PIK3R1: variants seen among roughly 807,000 people sequenced by gnomAD.
PIK3R1 encodes phosphoinositide-3-kinase regulatory subunit 1.
In PIK3R1, 29 loss-of-function variants were observed where a neutral mutation model predicts 98.0. The observed-to-expected ratio is 0.30, with a 90% CI of 0.22 to 0.40. The LOEUF (loss-of-function observed/expected upper bound fraction) is 0.40, where lower values mean the gene tolerates loss of function less well. PIK3R1 is among the 10% of genes least tolerant of loss of function. PIK3R1 has a pLI of 1.00. For synonymous variants in PIK3R1, 282 were observed against 311.8 expected (o/e 0.90, Z 1.01); for missense variants, 596 against 872.7 (o/e 0.68, Z 3.99).
intron 2 of PIK3R1, among the ~76,000 whole-genome samples, chr5:68,253,083 G>A (rs1315626090): frequency 6.6e-6 from 1 of 151,992 alleles, no homozygotes; most frequent in East Asian, 1.9e-4. Flanking sequence ...TATCTACGTT[G>A]CATTTTTATT....
chr5:68,245,410 A>G (rs1745046697), intron 2 of PIK3R1, among the ~76,000 whole-genome samples: 1 of 152,166 alleles, frequency 6.6e-6, no homozygotes, highest in Non-Finnish European at 1.5e-5. Context: ...TGCTGATGTT[A>G]TAGAATCACC....
chr5:68,242,462 G>A (rs1449242315), intron 2 of PIK3R1, among the ~76,000 whole-genome samples: 2 of 144,246 alleles, frequency 1.4e-5, no homozygotes, highest in Non-Finnish European at 3.1e-5. Context: ...TTGGAAGCAC[G>A]ACTTCCAGTG....
chr5:68,280,583 T>C lies in PIK3R1; in HGVS notation c.690T>C (p.Pro230=). 1 of 1,613,566 alleles carries C rather than the reference T, an allele frequency of 6.2e-7. No homozygotes were observed. The highest frequency in any genetic ancestry group is 1.3e-5 in the African/African-American group (1 of 75,000). ...IQLLKKLIRS[P]SIPHQYWLTL... The stretch of plus-strand genomic sequence containing the variant: ...TATTGAAGAAGCTTATTAGGTCGCC[T>C]AGCATACCTCATCAGTATTGGCTTA... Residue 230 remains proline (P), a synonymous_variant, in exon 6 of 16, where the codon CCT becomes CCC. Coordinates refer to ENST00000521381, the MANE Select transcript of PIK3R1 (RefSeq NM_181523.3).
At chr5:68,254,092 G>A (rs774562143) in intron 2 of PIK3R1, among the ~76,000 whole-genome samples, 2 of 150,416 alleles carry the variant, frequency 1.3e-5, no homozygotes, top group Non-Finnish European at 2.9e-5. Context: ...CTGCACACTC[G>A]AATGTTGTAT....
At chr5:68,223,026 A>G (rs760273300) in intron 1 of PIK3R1, among the ~76,000 whole-genome samples, 9 of 151,112 alleles carry the variant, frequency 6.0e-5, no homozygotes, top group African/African-American at 1.2e-4. Flanking sequence ...ATATATGACT[A>G]TATATATGAC....
intron 7 of PIK3R1, among the ~76,000 whole-genome samples, chr5:68,289,730 G>T (rs1015456516): frequency 2.2e-5 from 3 of 133,680 alleles, no homozygotes; most frequent in Non-Finnish European, 4.6e-5. Flanking sequence ...TTGTCCCGGA[G>T]TGAGGCATTT....
chr5:68,293,927 C>A (rs11960604), intron 11 of PIK3R1, 93 bp downstream of exon 11: 2 of 946,894 alleles, frequency 2.1e-6, no homozygotes, highest in South Asian at 1.6e-5. Context: ...TGAGTTTTTA[C>A]GAATGAGGTG....
Position 68,298,914 on chromosome 5 carries a change from G to C in PIK3R1, c.*1313G>C. 4.3e-6 allele frequency: 1 copy of C among 233,252 alleles called. No individual in the cohort carries two copies. The highest frequency in any genetic ancestry group is 8.5e-6 in the Non-Finnish European group (1 of 117,888). 14.4% of individuals were successfully genotyped at this position (233,252 alleles called of 1,614,324 possible). ...GATGTATCAAGTGGGGTGGTGGGAG[G>C]GGGAGGCAAGGTTATATGCACTTTC... On this transcript the variant is annotated 3_prime_UTR_variant, in exon 16 of 16. Transcript: ENST00000521381.
chr5:68,297,319 C>A, intron 15 of PIK3R1, 93 bp from the exon 16 acceptor site: 2 of 1,111,052 alleles, frequency 1.8e-6, no homozygotes, highest in Non-Finnish European at 2.6e-6. Flanking sequence ...CAAGTTGAGA[C>A]TGCACAATAA....
intron 2 of PIK3R1, among the ~76,000 whole-genome samples, chr5:68,233,457 A>T (rs1744554184): frequency 6.6e-6 from 1 of 152,220 alleles, no homozygotes; most frequent in Non-Finnish European, 1.5e-5. Flanking sequence ...TCAATAGAGG[A>T]GGACACATGG....
chr5:68,218,678 C>G (rs1377117666), intron 1 of PIK3R1, among the ~76,000 whole-genome samples: 1 of 152,118 alleles, frequency 6.6e-6, no homozygotes, highest in Admixed American at 6.5e-5. Context: ...GGAATTCTCT[C>G]ACGTCAAGGC....
chr5:68,251,486 G>T (rs1332055001), intron 2 of PIK3R1, among the ~76,000 whole-genome samples: 4 of 151,412 alleles, frequency 2.6e-5, no homozygotes, highest in Admixed American at 2.6e-4. Flanking sequence ...TACTTGTTTG[G>T]CAGAACTAAG....
At chr5:68,259,604 A>G (rs1270227131) in intron 2 of PIK3R1, among the ~76,000 whole-genome samples, 1 of 152,266 alleles carries the variant, frequency 6.6e-6, no homozygotes, top group African/African-American at 2.4e-5. Context: ...AACATCCCAT[A>G]GAATATCTTA....
At chr5:68,257,161 A>G (rs901329771) in intron 2 of PIK3R1, among the ~76,000 whole-genome samples, 1 of 152,204 alleles carries the variant, frequency 6.6e-6, no homozygotes, top group African/African-American at 2.4e-5. Context: ...ATTTTAAATT[A>G]TAGGAGCAAG....
intron 1 of PIK3R1, 27 bp downstream of exon 1, chr5:68,215,976 G>T: frequency 6.5e-6 from 1 of 152,928 alleles, no homozygotes; most frequent in Non-Finnish European, 1.5e-5. Flanking sequence ...AGCCCCGGGT[G>T]TGTGTGCTCG....
At position 68,255,746 on chromosome 5, in the gene PIK3R1, A is replaced by G. The variant is rs533841758; in HGVS notation, c.335-17644A>G. Among the ~76,000 whole-genome samples the G allele has an allele frequency of 2.6e-5, 4 of 152,360 alleles. No individual in the cohort carries two copies. In the South Asian group the frequency reaches 8.3e-4, roughly 32 times the overall value. ...CCTATAGCACTGGAATTCTCTTGTC[A>G]TTAATAGCTCTTGTAGTCGACAGAT... On this transcript the variant is annotated intron_variant, in intron 2 of 15. Coordinates refer to ENST00000521381, the MANE Select transcript of PIK3R1 (RefSeq NM_181523.3).
intron 2 of PIK3R1, among the ~76,000 whole-genome samples, chr5:68,259,487 G>A (rs1745654282): frequency 6.6e-6 from 1 of 152,206 alleles, no homozygotes; most frequent in Non-Finnish European, 1.5e-5. Flanking sequence ...TATGGAAACA[G>A]TGTATCTTCT....
chr5:68,297,433 T>A lies in PIK3R1; in HGVS notation c.2007T>A (p.His669Gln). 1 of 1,614,008 alleles carries A rather than the reference T, an allele frequency of 6.2e-7. No homozygotes were observed. The highest frequency in any genetic ancestry group is 8.5e-7 in the Non-Finnish European group (1 of 1,179,910). Reference sequence around the variant, plus strand: ...CTAGGGTGGACGGCGAAGTAAAGCATTGTGTCATAAACAAAACAGCAACTG... The same window carrying A: ...CTAGGGTGGACGGCGAAGTAAAGCAATGTGTCATAAACAAAACAGCAACTG... ...CSVVVDGEVK[H>Q]CVINKTATGY... The change falls in exon 16 of 16, where the codon CAT becomes CAA. Residue 669 changes from histidine to glutamine, a missense_variant. Physicochemically the swap from His to Gln is conservative, Grantham distance 24. This residue lies in a region of PIK3R1 where 207 missense variants were observed against 361.4 expected (regional missense o/e 0.57). Coordinates refer to ENST00000521381, the MANE Select transcript of PIK3R1 (RefSeq NM_181523.3).
chr5:68,274,467 T>C (rs1476828562), intron 4 of PIK3R1, among the ~76,000 whole-genome samples: 4 of 152,198 alleles, frequency 2.6e-5, no homozygotes, highest in Non-Finnish European at 5.9e-5. Context: ...TCCTTTTCCG[T>C]TTCCCTTTCT....
Sources: allele counts gnomAD v4.1 joint callset (sites outside exome capture counted in the v4.1 genomes callset), GRCh38; gene constraint gnomAD v4.1.1; regional missense constraint gnomAD v4.1.1; transcripts MANE v1.5; gene names NCBI Gene and HGNC (gene_info 2026-07-23, HGNC 2026-07-21).